Variants in SNX30 observed in about 807,000 individuals in gnomAD.
SNX30 encodes sorting nexin family member 30.
SNX30 carries 24 observed loss-of-function variants against 46.4 expected under a neutral mutation model. The ratio of observed to expected loss-of-function variants is 0.52; its 90% confidence interval spans 0.37 to 0.73. The LOEUF is 0.73. SNX30 is among the 30% of genes least tolerant of loss of function. The pLI, the probability that SNX30 is intolerant of heterozygous loss-of-function variation, is 0.00. For missense variants in SNX30, 533 were observed against 555.7 expected (o/e 0.96, Z 0.41); for synonymous variants, 189 against 211.5 (o/e 0.89, Z 0.92).
At chr9:112,754,936 A>G (rs1839325682) in intron 1 of SNX30, among the ~76,000 whole-genome samples, 1 of 152,078 alleles carries the variant, frequency 6.6e-6, no homozygotes, top group Admixed American at 6.6e-5. Context: ...TCCTTAGGTC[A>G]CTTAGACGTC....
intron 3 of SNX30, among the ~76,000 whole-genome samples, chr9:112,829,609 CTG>C (rs904525761): frequency 6.6e-6 from 1 of 152,214 alleles, no homozygotes; most frequent in Non-Finnish European, 1.5e-5. Flanking sequence ...GGGCATAAAT[CTG>C]TGAGTGGAAT....
chr9:112,788,341 T>G (rs1839963817), intron 1 of SNX30, among the ~76,000 whole-genome samples: 1 of 152,172 alleles, frequency 6.6e-6, no homozygotes, highest in Non-Finnish European at 1.5e-5. Context: ...ACCTGACTTC[T>G]TAGGTCACAT....
intron 1 of SNX30, among the ~76,000 whole-genome samples, chr9:112,776,156 T>C (rs1839745127): frequency 6.6e-6 from 1 of 152,228 alleles, no homozygotes; most frequent in Admixed American, 6.5e-5. Flanking sequence ...TACTGCTTCA[T>C]CTGCATCCTT....
At chr9:112,833,460 TTCAGTCTGGGCAACATGG>T (rs1315531342) in intron 4 of SNX30, among the ~76,000 whole-genome samples, 2 of 152,162 alleles carry the variant, frequency 1.3e-5, no homozygotes, top group African/African-American at 4.8e-5. Context: ...GGAGTTCATG[TTCAGTCTGGGCAACATGG>T]TGAGACCCCA....
chr9:112,842,050 T>C (rs1223498455), intron 6 of SNX30, among the ~76,000 whole-genome samples: 1 of 152,188 alleles, frequency 6.6e-6, no homozygotes, highest in African/African-American at 2.4e-5. Context: ...TTCAAGTGAT[T>C]CTCCTGCCTC....
At chr9:112,796,300 C>T (rs1239421955) in intron 1 of SNX30, among the ~76,000 whole-genome samples, 1 of 152,212 alleles carries the variant, frequency 6.6e-6, no homozygotes, top group Non-Finnish European at 1.5e-5. Context: ...CCCTGTGATG[C>T]CTAGCATGGC....
chr9:112,870,688 GAC>G lies in SNX30; in HGVS notation c.*1846_*1847del, dbSNP rs1841432246. The G allele has an allele frequency of 6.6e-6, 1 of 152,226 alleles. No individual in the cohort carries two copies. The highest frequency in any genetic ancestry group is 1.5e-5 in the Non-Finnish European group (1 of 68,058). 9.4% of individuals were successfully genotyped at this position (152,226 alleles called of 1,614,324 possible). ...TATTCTACCTCTAAGCCATCGTGTT[GAC>G]GTGGGTATGGACGCCTGGGTCTGAC... On this transcript the variant is annotated 3_prime_UTR_variant, in exon 9 of 9. Transcript: ENST00000374232.
At chr9:112,861,940 G>A (rs565690504) in intron 7 of SNX30, among the ~76,000 whole-genome samples, 110 of 151,374 alleles carry the variant, frequency 7.3e-4, no homozygotes, top group African/African-American at 2.6e-3. Context: ...CAACACTTAC[G>A]ATATCTTGCC....
At chr9:112,754,891 A>C (rs921875890) in intron 1 of SNX30, among the ~76,000 whole-genome samples, 9 of 152,040 alleles carry the variant, frequency 5.9e-5, no homozygotes, top group Non-Finnish European at 1.2e-4. Context: ...CCACATCCTC[A>C]ATCTCTTCTC....
chr9:112,857,982 A>G (rs1203182589), intron 7 of SNX30, among the ~76,000 whole-genome samples: 2 of 152,200 alleles, frequency 1.3e-5, no homozygotes, highest in East Asian at 3.8e-4. Flanking sequence ...CATTGCACTA[A>G]CAACCTATAT....
chr9:112,815,924 G>A (rs1310623563), intron 2 of SNX30, among the ~76,000 whole-genome samples: 1 of 152,098 alleles, frequency 6.6e-6, no homozygotes, highest in Non-Finnish European at 1.5e-5. Context: ...CACTGCAGTC[G>A]TCTCGACCTC....
chr9:112,790,175 A>G (rs1332354603), intron 1 of SNX30, among the ~76,000 whole-genome samples: 2 of 152,236 alleles, frequency 1.3e-5, no homozygotes, highest in Non-Finnish European at 2.9e-5. Flanking sequence ...GAGACTTACT[A>G]TCAATAGTTA....
chr9:112,818,072 A>G (rs958335125), intron 3 of SNX30, among the ~76,000 whole-genome samples: 1 of 152,184 alleles, frequency 6.6e-6, no homozygotes, highest in Non-Finnish European at 1.5e-5. Context: ...CCATTGCCAC[A>G]GTTTTTCATT....
At chr9:112,779,791 G>A (rs752505953) in intron 1 of SNX30, among the ~76,000 whole-genome samples, 1 of 152,170 alleles carries the variant, frequency 6.6e-6, no homozygotes, top group Non-Finnish European at 1.5e-5. Context: ...CATGCAGGGC[G>A]CACTTGGCTG....
chr9:112,794,640 G>T (rs184366575), intron 1 of SNX30, among the ~76,000 whole-genome samples: 1 of 152,300 alleles, frequency 6.6e-6, no homozygotes, highest in East Asian at 1.9e-4. Flanking sequence ...ATCAAAAAGA[G>T]AAATTAGATT....
intron 2 of SNX30, among the ~76,000 whole-genome samples, chr9:112,808,655 T>C (rs1336898417): frequency 6.6e-6 from 1 of 152,204 alleles, no homozygotes; most frequent in African/African-American, 2.4e-5. Flanking sequence ...CACTAAAGAA[T>C]GCCTATACGC....
rs1449265264 is a variant in SNX30 at position 112,809,095 on chromosome 9, T to C, written c.348+4128T>C. On this transcript the variant is annotated intron_variant, in intron 2 of 8. Coordinates refer to ENST00000374232, the MANE Select transcript of SNX30 (RefSeq NM_001012994.2). ...CCAAAAGACATGATTTTCTTTCTTT[T>C]TTTTTTTTTTTGACAGAGTCTTGCT... 2.6e-4 allele frequency among the ~76,000 whole-genome samples: 39 copies of C among 147,446 alleles called. No homozygotes were observed. In the East Asian group the frequency reaches 3.7e-3, roughly 14 times the overall value.
chr9:112,820,880 C>T (rs1171458047), intron 3 of SNX30, among the ~76,000 whole-genome samples: 1 of 152,072 alleles, frequency 6.6e-6, no homozygotes, highest in Admixed American at 6.6e-5. Context: ...CTTTTTATTG[C>T]CATATAATAT....
intron 5 of SNX30, among the ~76,000 whole-genome samples, chr9:112,880,830 G>C (rs1446817708): frequency 1.3e-5 from 2 of 152,060 alleles, no homozygotes; most frequent in Non-Finnish European, 2.9e-5. Flanking sequence ...GGAATTTATG[G>C]CACTGAGTGG....
Sources: gnomAD v4.1 joint callset for allele counts (sites outside exome capture counted in the v4.1 genomes callset) on GRCh38, gnomAD v4.1.1 for gene constraint, MANE v1.5 for transcripts, NCBI Gene and HGNC (gene_info 2026-07-23, HGNC 2026-07-21) for gene names.